The following EXOC6 variants were observed in gnomAD, a reference collection of about 807,000 sequenced individuals.
EXOC6 encodes the protein exocyst complex component 6.
EXOC6 carries 60 observed loss-of-function variants against 112.5 expected under a neutral mutation model. The observed-to-expected ratio is 0.53, with a 90% CI of 0.43 to 0.66. The LOEUF (loss-of-function observed/expected upper bound fraction) is 0.66. EXOC6 is among the 30% of genes least tolerant of loss of function. The probability of loss-of-function intolerance (pLI) is 0.00; values close to 1 mark genes in which losing one functional copy is unlikely to be tolerated. For synonymous variants in EXOC6, 295 were observed against 308.0 expected (o/e 0.96, Z 0.44); for missense variants, 855 against 957.1 (o/e 0.89, Z 1.41).
At chr10:92,999,355 G>A in intron 19 of EXOC6, 1 of 362,704 alleles carries the variant, frequency 2.8e-6, no homozygotes, top group Non-Finnish European at 5.3e-6. Context: ...GAGCTACTGT[G>A]CCTGGCCATT....
At chr10:92,974,685 C>T (rs1037740802) in intron 18 of EXOC6, among the ~76,000 whole-genome samples, 1 of 152,338 alleles carries the variant, frequency 6.6e-6, no homozygotes, top group African/African-American at 2.4e-5. Flanking sequence ...CCTGCCTCAG[C>T]CTGCCGAGTG....
At chr10:92,894,758 A>T (rs1426780041) in intron 2 of EXOC6, 36 bp from the exon 3 acceptor site, 1 of 1,588,886 alleles carries the variant, frequency 6.3e-7, no homozygotes, top group Non-Finnish European at 8.6e-7. Context: ...AGTTTTATGC[A>T]TATTTGTCTA....
rs188593643 is a variant in EXOC6, at chr10:92,920,747, A to G, written c.888+697A>G. On this transcript the variant is annotated intron_variant, in intron 8 of 21. Transcript: ENST00000260762. Reference sequence around the variant, plus strand: ...TTTCTTTCAGTTTTGCCAGTTTTTTATTCATGTATTTTTAGGGCCTTGTTG... The same window carrying G: ...TTTCTTTCAGTTTTGCCAGTTTTTTGTTCATGTATTTTTAGGGCCTTGTTG... 2.6e-5 allele frequency among the ~76,000 whole-genome samples: 4 copies of G among 152,080 alleles called. 1 individual carries two copies. In the East Asian group the frequency reaches 7.7e-4, roughly 29 times the overall value.
chr10:92,854,886 G>A (rs1847526125), intron 1 of EXOC6, among the ~76,000 whole-genome samples: 1 of 152,040 alleles, frequency 6.6e-6, no homozygotes, highest in Admixed American at 6.6e-5. Context: ...TCTCTCAATT[G>A]AGATGAGTAT....
At chr10:92,845,968 T>G (rs918932608), upstream of EXOC6, among the ~76,000 whole-genome samples, 2 of 152,094 alleles carry the variant, frequency 1.3e-5, no homozygotes, top group African/African-American at 4.8e-5. Context: ...ACAAAACAAA[T>G]GTGCAATTAG....
intron 20 of EXOC6, among the ~76,000 whole-genome samples, chr10:93,028,491 A>T (rs936470075): frequency 6.6e-6 from 1 of 152,134 alleles, no homozygotes; most frequent in Non-Finnish European, 1.5e-5. Context: ...AAGCAGGGAA[A>T]GTGTTTTTTT....
intron 13 of EXOC6, among the ~76,000 whole-genome samples, chr10:92,943,772 A>G (rs79167160): frequency 2.0e-3 from 298 of 151,962 alleles, no homozygotes; most frequent in African/African-American, 7.0e-3. Context: ...AATATATGTT[A>G]CATTATTATT....
chr10:92,945,422 TTA>T (rs1309904491), intron 13 of EXOC6, among the ~76,000 whole-genome samples: 1 of 152,174 alleles, frequency 6.6e-6, no homozygotes, highest in Non-Finnish European at 1.5e-5. Context: ...GCTTTTGGGG[TTA>T]TATTTTTAAA....
At chr10:92,874,185 A>G (rs573695198) in intron 1 of EXOC6, among the ~76,000 whole-genome samples, 19 of 152,320 alleles carry the variant, frequency 1.2e-4, no homozygotes, top group African/African-American at 4.6e-4. Context: ...TTTGAATACC[A>G]AGCAGCAGTA....
At chr10:92,859,025 A>G (rs1847765199) in intron 1 of EXOC6, among the ~76,000 whole-genome samples, 1 of 152,190 alleles carries the variant, frequency 6.6e-6, no homozygotes, top group Admixed American at 6.5e-5. Flanking sequence ...TCGGCCTCCC[A>G]GAGTGTTAGG....
At chr10:92,846,625 G>T (rs554155682), upstream of EXOC6, among the ~76,000 whole-genome samples, 1 of 152,334 alleles carries the variant, frequency 6.6e-6, no homozygotes, top group South Asian at 2.1e-4. Context: ...GACTGTCTTA[G>T]CTCAATGGAT....
chr10:92,907,882 A>G (rs558540536), intron 5 of EXOC6, among the ~76,000 whole-genome samples: 13 of 152,044 alleles, frequency 8.6e-5, no homozygotes, highest in Non-Finnish European at 1.9e-4. Flanking sequence ...TTCTGACCAA[A>G]TGTACATTTT....
intron 19 of EXOC6, among the ~76,000 whole-genome samples, chr10:93,002,463 T>A (rs1219068328): frequency 6.6e-6 from 1 of 152,064 alleles, no homozygotes; most frequent in Non-Finnish European, 1.5e-5. Flanking sequence ...TGGGAGCTTG[T>A]TAGAAATGCA....
intron 14 of EXOC6, among the ~76,000 whole-genome samples, chr10:92,949,514 G>A (rs941674728): frequency 2.7e-5 from 4 of 149,500 alleles, no homozygotes; most frequent in Non-Finnish European, 5.9e-5. Context: ...TTTAGTTACT[G>A]GTAATGAGTT....
At chr10:93,035,710 A>G (rs1483751338) in intron 20 of EXOC6, among the ~76,000 whole-genome samples, 1 of 151,882 alleles carries the variant, frequency 6.6e-6, no homozygotes, top group African/African-American at 2.4e-5. Context: ...CAAAAATTAG[A>G]CGAGTGCATT....
intron 1 of EXOC6, among the ~76,000 whole-genome samples, chr10:92,860,673 A>G (rs549602649): frequency 4.6e-5 from 7 of 152,290 alleles, no homozygotes; most frequent in Admixed American, 2.0e-4. Context: ...CTCTATGACT[A>G]TGATTACTCT....
In EXOC6 at chr10:92,829,360, C is replaced by CCT. The variant is rs531506618; in HGVS notation, c.-27+2426_-27+2427dup. On this transcript the variant is annotated intron_variant, in intron 1 of 22. Transcript: ENST00000671701. ...AGGCTGGAAGTCCCATTCGGGCGCC[C>CCT]CTCTCTCTCTCAGGAGAGGAAGCTG... 3.8e-3 allele frequency among the ~76,000 whole-genome samples: 575 copies of CCT among 152,194 alleles called. 2 individuals carry two copies. Among genetic ancestry groups the CCT allele is most frequent in the Non-Finnish European group, 6.7e-3 (456 of 67,992 alleles).
intron 1 of EXOC6, among the ~76,000 whole-genome samples, chr10:92,836,067 G>A (rs1047790915): frequency 6.6e-6 from 1 of 152,202 alleles, no homozygotes; most frequent in South Asian, 2.1e-4. Flanking sequence ...AGGTAGTTAA[G>A]TGCTAGATGC....
At chr10:92,953,563 G>C (rs1052276976) in intron 15 of EXOC6, among the ~76,000 whole-genome samples, 2 of 152,144 alleles carry the variant, frequency 1.3e-5, no homozygotes, top group African/African-American at 4.8e-5. Context: ...GGTGCTACTT[G>C]AAACTAGTGG....
Sources: allele counts gnomAD v4.1 joint callset (sites outside exome capture counted in the v4.1 genomes callset), GRCh38; gene constraint gnomAD v4.1.1; transcripts MANE v1.5; gene names NCBI Gene and HGNC (gene_info 2026-07-23, HGNC 2026-07-21).